The following GRIK1 variants were observed in gnomAD, a reference collection of about 807,000 sequenced individuals.
GRIK1 encodes glutamate ionotropic receptor kainate type subunit 1.
Under a neutral mutation model 105.7 loss-of-function variants are expected in GRIK1, and 69 were observed. That is an observed-to-expected ratio of 0.65 (90% CI 0.54 to 0.80). The LOEUF (loss-of-function observed/expected upper bound fraction) is 0.80, where lower values mean the gene tolerates loss of function less well. GRIK1 is among the 30% of genes least tolerant of loss of function. The pLI is 0.00. For missense variants in GRIK1, 1,109 were observed against 1,167.3 expected, an observed-to-expected ratio of 0.95 and a Z score of 0.73; for synonymous variants, 438 against 431.3, an observed-to-expected ratio of 1.02 and a Z score of -0.19.
chr21:29,871,612 T>C (rs1163170886), intron 1 of GRIK1, among the ~76,000 whole-genome samples: 2 of 152,022 alleles, frequency 1.3e-5, no homozygotes, highest in Non-Finnish European at 2.9e-5. Context: ...ATCTGGTGAT[T>C]TAAGGCAATG....
intron 9 of GRIK1, among the ~76,000 whole-genome samples, chr21:29,592,930 C>G (rs1210783357): frequency 6.6e-6 from 1 of 152,174 alleles, no homozygotes; most frequent in East Asian, 1.9e-4. Flanking sequence ...TGCTTGGTCC[C>G]TAAATATGTT....
chr21:29,848,530 A>G lies in GRIK1; in HGVS notation c.118+90853T>C, dbSNP rs185243141. 6.4e-4 allele frequency among the ~76,000 whole-genome samples: 97 copies of G among 152,094 alleles called. 1 individual carries two copies. The East Asian group carries it at 0.019, about 29-fold the overall frequency. On this transcript the variant is annotated intron_variant, in intron 1 of 17. Transcript: ENST00000327783. The stretch of plus-strand genomic sequence containing the variant: ...AGCTCGTAACATTGTTTTTATCCAG[A>G]AATCCTGCTTTCTACTATCATGCTT...
At chr21:29,906,056 T>G (rs543002064) in intron 1 of GRIK1, among the ~76,000 whole-genome samples, 1 of 152,258 alleles carries the variant, frequency 6.6e-6, no homozygotes, top group Non-Finnish European at 1.5e-5. Flanking sequence ...CAAAGAAATA[T>G]AGAGGACTAT....
rs149689107 is a variant in GRIK1 at position 29,911,437 on chromosome 21, G to A, written c.118+27946C>T. ...AGGCATGGTGACACTATGCAGCCACGATCCTGGACTGGGAGAAAATTGCTA... is the reference window on the plus strand; with the variant it reads ...AGGCATGGTGACACTATGCAGCCACAATCCTGGACTGGGAGAAAATTGCTA... On this transcript the variant is annotated intron_variant, in intron 1 of 17. Transcript: ENST00000327783. Among the ~76,000 whole-genome samples, 91 of 152,140 alleles carry A rather than the reference G, an allele frequency of 6.0e-4. 1 individual carries two copies. In the East Asian group the frequency reaches 0.013, roughly 22 times the overall value.
chr21:29,681,500 C>A (rs545132164), intron 3 of GRIK1, among the ~76,000 whole-genome samples: 10 of 152,184 alleles, frequency 6.6e-5, no homozygotes, highest in Non-Finnish European at 1.0e-4. Context: ...CTGACTAGAA[C>A]CGCCTTCTCT....
intron 4 of GRIK1, among the ~76,000 whole-genome samples, chr21:29,669,596 G>A (rs1333992610): frequency 6.6e-6 from 1 of 152,144 alleles, no homozygotes; most frequent in African/African-American, 2.4e-5. Context: ...TGGCAGCCTA[G>A]CCAGGCTCAG....
Position 29,602,163 on chromosome 21 carries a change from C to T in GRIK1, c.1099-3226G>A, listed in dbSNP as rs116533115. On this transcript the variant is annotated intron_variant, in intron 7 of 17. Transcript: ENST00000327783. ...CAGTAAGTGAAGATTTTGCATAAAA[C>T]GAGCTTTAGCTCTGGAATTCTACAA... Among the ~76,000 whole-genome samples, 1,439 of 152,136 alleles carry T rather than the reference C, an allele frequency of 9.5e-3. 22 individuals carry two copies. Among genetic ancestry groups the T allele is most frequent in the African/African-American group, 0.033 (1,377 of 41,494 alleles).
intron 1 of GRIK1, among the ~76,000 whole-genome samples, chr21:29,794,889 T>C (rs1203321405): frequency 2.6e-5 from 4 of 152,138 alleles, no homozygotes; most frequent in East Asian, 1.9e-4. Flanking sequence ...TATGATCATA[T>C]AATTTATCAT....
intron 16 of GRIK1, among the ~76,000 whole-genome samples, chr21:29,541,177 G>A (rs1488385778): frequency 3.3e-5 from 5 of 152,102 alleles, no homozygotes; most frequent in Admixed American, 6.5e-5. Flanking sequence ...CACGTTGGCC[G>A]GGATGGTCTT....
intron 1 of GRIK1, among the ~76,000 whole-genome samples, chr21:29,725,077 T>C (rs2064421939): frequency 6.6e-6 from 1 of 151,850 alleles, no homozygotes; most frequent in African/African-American, 2.4e-5. Context: ...ACACCTTTTC[T>C]GAGAGTCCAC....
chr21:29,547,084 A>G (rs2090061762), intron 16 of GRIK1, among the ~76,000 whole-genome samples: 1 of 152,238 alleles, frequency 6.6e-6, no homozygotes, highest in African/African-American at 2.4e-5. Flanking sequence ...ACAGCTTCAA[A>G]TAGCTTCCTA....
intron 16 of GRIK1, among the ~76,000 whole-genome samples, chr21:29,543,746 G>C (rs2090007725): frequency 6.6e-6 from 1 of 152,168 alleles, no homozygotes; most frequent in Non-Finnish European, 1.5e-5. Flanking sequence ...GGTGAAGGAA[G>C]TCTAGCCACT....
chr21:29,697,541 A>T (rs540286104), intron 1 of GRIK1, among the ~76,000 whole-genome samples: 10 of 151,998 alleles, frequency 6.6e-5, no homozygotes, highest in Middle Eastern at 6.8e-3. Context: ...ACCCCATCAC[A>T]CTCTCTTTCT....
intron 1 of GRIK1, among the ~76,000 whole-genome samples, chr21:29,862,300 A>G (rs1306504067): frequency 6.6e-6 from 1 of 152,206 alleles, no homozygotes; most frequent in Non-Finnish European, 1.5e-5. Context: ...TTATTTTTAT[A>G]TGAAAATATT....
At chr21:29,744,196 G>C (rs1279389724) in intron 1 of GRIK1, among the ~76,000 whole-genome samples, 1 of 152,222 alleles carries the variant, frequency 6.6e-6, no homozygotes, top group Admixed American at 6.5e-5. Flanking sequence ...CTGGTCCAGG[G>C]ACCTACTGGT....
rs185224363 is a variant in GRIK1 at position 29,770,565 on chromosome 21, T to G, written c.119-76502A>C. On this transcript the variant is annotated intron_variant, in intron 1 of 17. Coordinates refer to ENST00000327783, the MANE Select transcript of GRIK1 (RefSeq NM_001330994.2). ...GAAAGCAGAGAGACTCACATCCATT[T>G]TTTGAATACCCAAACCCATATACTC... 3.9e-5 allele frequency among the ~76,000 whole-genome samples: 6 copies of G among 152,344 alleles called. No homozygotes were observed. In the East Asian group the frequency reaches 1.2e-3, roughly 29 times the overall value.
At chr21:29,833,085 C>A (rs749963674) in intron 1 of GRIK1, among the ~76,000 whole-genome samples, 1 of 152,172 alleles carries the variant, frequency 6.6e-6, no homozygotes, top group Non-Finnish European at 1.5e-5. Context: ...AGGGTAGGGG[C>A]ACAATGCCTC....
At chr21:29,813,881 CTG>C (rs1031254943) in intron 1 of GRIK1, among the ~76,000 whole-genome samples, 3 of 150,486 alleles carry the variant, frequency 2.0e-5, no homozygotes, top group African/African-American at 7.3e-5. Flanking sequence ...GTACTAAACA[CTG>C]AGGCCACGGG....
intron 16 of GRIK1, among the ~76,000 whole-genome samples, chr21:29,548,211 G>A (rs1438596833): frequency 6.6e-6 from 1 of 152,130 alleles, no homozygotes; most frequent in Non-Finnish European, 1.5e-5. Flanking sequence ...TGGGCCATTA[G>A]CCGTATTTGG....
Sources: gnomAD v4.1 joint callset for allele counts (sites outside exome capture counted in the v4.1 genomes callset) on GRCh38, gnomAD v4.1.1 for gene constraint, MANE v1.5 for transcripts, NCBI Gene and HGNC (gene_info 2026-07-23, HGNC 2026-07-21) for gene names.